LPCAT1: variants seen among roughly 807,000 people sequenced by gnomAD.
The protein encoded by LPCAT1 is 1-acylglycerol-3-phosphate O-acyltransferase.
LPCAT1 carries 23 observed loss-of-function variants against 60.9 expected under a neutral mutation model. That is an observed-to-expected ratio of 0.38 (90% confidence interval 0.27 to 0.53). The LOEUF (loss-of-function observed/expected upper bound fraction) is 0.53. Ranked by LOEUF, LPCAT1 falls within the 20% of genes least tolerant of loss-of-function variation. The pLI, the probability that LPCAT1 is intolerant of heterozygous loss-of-function variation, is 0.82. For synonymous variants in LPCAT1, 340 were observed against 301.1 expected (o/e 1.13, Z -1.34); for missense variants, 622 against 723.6 (o/e 0.86, Z 1.61).
chr5:1,464,932 CAA>C lies in LPCAT1; in HGVS notation c.1421-1099_1421-1098del, dbSNP rs369601466. ...AACACACATGCGTGCACACACAAAA[CAA>C]GCACATGCACACACATGGTAACTAC... On this transcript the variant is annotated intron_variant, in intron 13 of 13. Coordinates refer to ENST00000283415, the MANE Select transcript of LPCAT1 (RefSeq NM_024830.5). Among the ~76,000 whole-genome samples the C allele has an allele frequency of 7.5e-3, 1,075 of 143,068 alleles. 15 individuals are homozygous for C. Among genetic ancestry groups the C allele is most frequent in the African/African-American group, 0.03 (1,006 of 33,942 alleles). The allele number at this position is 143,068 out of a possible 152,430, so 93.9% of individuals were successfully genotyped here. A position where few individuals can be genotyped will look rare whatever the true frequency, so the allele number is the denominator to read the frequency against.
At chr5:1,520,177 G>A (rs1483755059) in intron 1 of LPCAT1, among the ~76,000 whole-genome samples, 2 of 152,270 alleles carry the variant, frequency 1.3e-5, no homozygotes, top group African/African-American at 4.8e-5. Flanking sequence ...GCCTGGCAAC[G>A]TGTGCAGGCA....
In LPCAT1 at chr5:1,502,565, C is replaced by T. The variant is rs1736057019; in HGVS notation, c.136-962G>A. On this transcript the variant is annotated intron_variant, in intron 1 of 13. Transcript: ENST00000283415. The surrounding 1 kb of genome is among the most constrained non-coding windows in gnomAD (Gnocchi z 5.5). ...GGGCAGGCCCCCACGCCAGGGAAGG[C>T]CGAGGCTGCGGGATCCCAGGCAGCC... Among the ~76,000 whole-genome samples, 2 of 152,184 alleles carry T rather than the reference C, an allele frequency of 1.3e-5. No homozygotes were observed. Among genetic ancestry groups the T allele is most frequent in the Admixed American group, 1.3e-4 (2 of 15,286 alleles).
intron 12 of LPCAT1, among the ~76,000 whole-genome samples, chr5:1,469,082 G>A (rs1237532338): frequency 1.3e-5 from 2 of 152,234 alleles, no homozygotes; most frequent in African/African-American, 4.8e-5. Flanking sequence ...CCGTCAGGGC[G>A]GAGCTGCTGA....
chr5:1,501,440 C>A, intron 2 of LPCAT1, 21 bp downstream of exon 2: 1 of 1,594,768 alleles, frequency 6.3e-7, no homozygotes. Context: ...AGGAGGAGAG[C>A]ACGGCACACG....
Position 1,523,539 on chromosome 5 carries a change from G to C in LPCAT1, c.135+171C>G, listed in dbSNP as rs1421641733. Among the ~76,000 whole-genome samples the C allele has an allele frequency of 6.6e-6, 1 of 150,704 alleles. No individual in the cohort carries two copies. Among genetic ancestry groups the C allele is most frequent in the Non-Finnish European group, 1.5e-5 (1 of 67,516 alleles). On this transcript the variant is annotated intron_variant, in intron 1 of 13. Transcript: ENST00000283415. The surrounding 1 kb of genome is among the most constrained non-coding windows in gnomAD (Gnocchi z 7.1). ...GCCGAGACCGAGGCATCGGGTGCGG[G>C]CGGCGGGGACGCGAACTGAGGGGCG... is the stretch of plus-strand genomic sequence containing the variant.
At position 1,487,152 on chromosome 5, in the gene LPCAT1, T is replaced by G. The variant is rs2126542247; in HGVS notation, c.667+1239A>C. 6.6e-6 allele frequency among the ~76,000 whole-genome samples: 1 copy of G among 152,294 alleles called. No individual in the cohort carries two copies. Among genetic ancestry groups the G allele is most frequent in the South Asian group, 2.1e-4 (1 of 4,828 alleles). ...CCAGCAGTGACCCCAGCCCCACACC[T>G]TGTCAAGGAACAAGACCTGACGTAC... is the stretch of plus-strand genomic sequence containing the variant. On this transcript the variant is annotated intron_variant, in intron 5 of 13. Coordinates refer to ENST00000283415, the MANE Select transcript of LPCAT1 (RefSeq NM_024830.5). The surrounding 1 kb of genome is among the most constrained non-coding windows in gnomAD (Gnocchi z 6.1).
intron 3 of LPCAT1, among the ~76,000 whole-genome samples, chr5:1,490,190 C>G (rs926379381): frequency 2.6e-5 from 4 of 152,224 alleles, no homozygotes; most frequent in African/African-American, 9.6e-5. Context: ...CCAGTCTTCA[C>G]AGAGGACAGG....
At position 1,496,771 on chromosome 5, in the gene LPCAT1, G is replaced by C. The variant is rs901188224; in HGVS notation, c.279-1857C>G. The stretch of plus-strand genomic sequence containing the variant: ...CAAACTATCCACATGTGAAAACCCG[G>C]ACTGCTGGTGTGGATGACAGCCTCA... On this transcript the variant is annotated intron_variant, in intron 2 of 13. Transcript: ENST00000283415. The surrounding 1 kb of genome is among the most constrained non-coding windows in gnomAD (Gnocchi z 4.7). 6.6e-6 allele frequency among the ~76,000 whole-genome samples: 1 copy of C among 152,194 alleles called. No homozygotes were observed. The highest frequency in any genetic ancestry group is 1.5e-5 in the Non-Finnish European group (1 of 68,046).
chr5:1,511,668 A>C (rs970329308), intron 1 of LPCAT1, among the ~76,000 whole-genome samples: 8 of 152,214 alleles, frequency 5.3e-5, no homozygotes, highest in African/African-American at 1.9e-4. Flanking sequence ...ACACTGCTTG[A>C]ATTCCTCTCT....
rs1735246923 is a variant in LPCAT1, at chr5:1,483,561, C to T, written c.668-75G>A. 2.7e-6 allele frequency: 4 copies of T among 1,496,932 alleles called. No homozygotes were observed. Among genetic ancestry groups the T allele is most frequent in the Non-Finnish European group, 3.7e-6 (4 of 1,081,856 alleles). The allele number at this position is 1,496,932 out of a possible 1,614,324, so 92.7% of individuals were successfully genotyped here. ...GCGTCTGCTGCGTTTCTCATGCTGC[C>T]CTTGGGATAAAAGTGAGCTTTTCTG... On this transcript the variant is annotated intron_variant, in intron 5 of 13. Transcript: ENST00000283415. This position sits in a 1 kb window ranked among gnomAD's most constrained non-coding sequence, Gnocchi z 9.2.
In LPCAT1 at chr5:1,474,616, G is replaced by A. The variant is rs772083019; in HGVS notation, c.969C>T (p.Leu323=). ...AAAGGCAAGTGTCAGCGGGGAGACG[G>A]AGCTGTCCTTCCGCCAGGGCCAGCT... ...DCQLALAEGQ[L]RLPADTCLLE... is the part of the protein sequence containing the mutation. Residue 323 remains leucine, a synonymous_variant, in exon 10 of 14, where the codon CTC becomes CTT. Coordinates refer to ENST00000283415, the MANE Select transcript of LPCAT1 (RefSeq NM_024830.5). 56 of 1,613,894 alleles carry A rather than the reference G, an allele frequency of 3.5e-5. No individual in the cohort carries two copies. Among genetic ancestry groups the A allele is most frequent in the Non-Finnish European group, 3.6e-5 (42 of 1,180,014 alleles).
Position 1,523,178 on chromosome 5 carries a change from C to T in LPCAT1, c.135+532G>A, listed in dbSNP as rs544114193. On this transcript the variant is annotated intron_variant, in intron 1 of 13. Coordinates refer to ENST00000283415, the MANE Select transcript of LPCAT1 (RefSeq NM_024830.5). This position sits in a 1 kb window ranked among gnomAD's most constrained non-coding sequence, Gnocchi z 7.1. ...CCCGCGCGCCCTGTCCCGGGCACCACCAGGCCCCGCACACGAGGCTCACCC... is the reference window on the plus strand; with the variant it reads ...CCCGCGCGCCCTGTCCCGGGCACCATCAGGCCCCGCACACGAGGCTCACCC... Among the ~76,000 whole-genome samples the T allele has an allele frequency of 1.2e-4, 19 of 152,064 alleles. 1 individual carries two copies. Among genetic ancestry groups the T allele is most frequent in the African/African-American group, 3.9e-4 (16 of 41,506 alleles).
intron 3 of LPCAT1, among the ~76,000 whole-genome samples, chr5:1,491,509 G>A (rs566610938): frequency 3.5e-4 from 53 of 152,200 alleles, no homozygotes; most frequent in Non-Finnish European, 5.6e-4. Context: ...GGGGGTGCAG[G>A]GGGAGGACTC....
intron 2 of LPCAT1, among the ~76,000 whole-genome samples, chr5:1,498,023 A>G (rs566786248): frequency 6.6e-6 from 1 of 152,358 alleles, no homozygotes; most frequent in African/African-American, 2.4e-5. Flanking sequence ...CTTTTGCGAA[A>G]CTGTGTCATT....
At chr5:1,501,343 G>T in intron 2 of LPCAT1, 118 bp downstream of exon 2, 1 of 1,385,752 alleles carries the variant, frequency 7.2e-7, no homozygotes, top group Non-Finnish European at 9.7e-7. Flanking sequence ...GCTGGGCTCA[G>T]AAGGGAAGGA....
At chr5:1,501,754 C>G in intron 1 of LPCAT1, 151 bp from the exon 2 acceptor site, 2 of 787,768 alleles carry the variant, frequency 2.5e-6, no homozygotes, top group Non-Finnish European at 4.1e-6. Context: ...CCAAGGCTGA[C>G]CAGCACTGAC....
intron 13 of LPCAT1, among the ~76,000 whole-genome samples, chr5:1,465,046 T>A (rs114402468): frequency 8.8e-6 from 1 of 114,072 alleles, no homozygotes; most frequent in Non-Finnish European, 1.8e-5. Context: ...TAAACACACA[T>A]GCGCACGCAC....
In LPCAT1 at chr5:1,470,962, C is replaced by T; in HGVS notation, c.1180-38G>A. 3 of 1,581,200 alleles carry T rather than the reference C, an allele frequency of 1.9e-6. No homozygotes were observed. In the African/African-American group the frequency reaches 4.0e-5, roughly 21 times the overall value. On this transcript the variant is annotated intron_variant, in intron 11 of 13. Coordinates refer to ENST00000283415, the MANE Select transcript of LPCAT1 (RefSeq NM_024830.5). ...ACGCTCTCAGCCACAGCTCGGCCGC[C>T]TTCGGCACTGGAGAAACGCCAGGGT...
chr5:1,473,533 A>C (rs776113195), intron 11 of LPCAT1, among the ~76,000 whole-genome samples: 2 of 152,226 alleles, frequency 1.3e-5, no homozygotes, highest in Non-Finnish European at 2.9e-5. Flanking sequence ...ACCAGGAGGA[A>C]GCCCTCCCAC....
Sources: gnomAD v4.1 joint callset for allele counts (sites outside exome capture counted in the v4.1 genomes callset) on GRCh38, gnomAD v4.1.1 for gene constraint, Gnocchi (gnomAD v3.1) non-coding constraint, MANE v1.5 for transcripts, NCBI Gene and HGNC (gene_info 2026-07-23, HGNC 2026-07-21) for gene names.